The following PTPRN2 variants were observed in gnomAD, a reference collection of about 807,000 sequenced individuals.
PTPRN2 encodes the protein receptor-type tyrosine-protein phosphatase N2.
Under a neutral mutation model 118.8 loss-of-function variants are expected in PTPRN2, and 74 were observed. The observed-to-expected ratio is 0.62, with a 90% CI of 0.52 to 0.76. The LOEUF is 0.76. Among genes scored for constraint, PTPRN2 ranks in the 30% least tolerant of loss-of-function variants. PTPRN2 has a pLI of 0.00. For synonymous variants in PTPRN2, 641 were observed against 608.0 expected (o/e 1.05, Z -0.80); for missense variants, 1,481 against 1,394.4 (o/e 1.06, Z -0.99).
Position 158,117,635 on chromosome 7 carries a change from GGACAAACAGA to G in PTPRN2, c.1557-6730_1557-6721del, listed in dbSNP as rs574286157. Among the ~76,000 whole-genome samples the G allele has an allele frequency of 1.4e-4, 22 of 152,150 alleles. No homozygotes were observed. The East Asian group carries it at 4.0e-3, about 28-fold the overall frequency. On this transcript the variant is annotated intron_variant, in intron 9 of 22. Coordinates refer to ENST00000389418, the MANE Select transcript of PTPRN2 (RefSeq NM_002847.5). ...TTTTAACTAAATTGTTAAAAGACAA[GGACAAACAGA>G]GAATTCTCCTCTTACATTTGAAAGC...
intron 11 of PTPRN2, among the ~76,000 whole-genome samples, chr7:158,070,952 G>C (rs1271426584): frequency 1.3e-4 from 16 of 127,306 alleles, no homozygotes; most frequent in African/African-American, 3.5e-4. Flanking sequence ...AGGTGCCCGT[G>C]GTGGTGGAGG....
intron 3 of PTPRN2, among the ~76,000 whole-genome samples, chr7:158,226,668 C>T (rs1401353468): frequency 7.7e-6 from 1 of 129,898 alleles, no homozygotes; most frequent in Non-Finnish European, 1.6e-5. Context: ...GAAGACAGCG[C>T]TTCCCTTTTT....
intron 2 of PTPRN2, among the ~76,000 whole-genome samples, chr7:158,321,681 G>A (rs968813388): frequency 1.3e-5 from 2 of 152,142 alleles, no homozygotes; most frequent in African/African-American, 4.8e-5. Context: ...TTCAAATTGG[G>A]GGCTGTCTGA....
At position 157,556,835 on chromosome 7, in the gene PTPRN2, TAC is replaced by T. The variant is rs1357362845; in HGVS notation, c.2903-7818_2903-7817del. On this transcript the variant is annotated intron_variant, in intron 21 of 22. Coordinates refer to ENST00000389418, the MANE Select transcript of PTPRN2 (RefSeq NM_002847.5). ...TGTCATACATATGCACACACAAATATACACACAGCCATGCACACACTCACACA... is the reference window on the plus strand; with the variant it reads ...TGTCATACATATGCACACACAAATATACACAGCCATGCACACACTCACACA... Among the ~76,000 whole-genome samples, 7 of 141,698 alleles carry T rather than the reference TAC, an allele frequency of 4.9e-5. No homozygotes were observed. In the East Asian group the frequency reaches 8.8e-4, roughly 18 times the overall value. 93.0% of individuals were successfully genotyped at this position (141,698 alleles called of 152,430 possible).
chr7:157,840,458 G>A (rs542633501), intron 12 of PTPRN2, among the ~76,000 whole-genome samples: 5 of 151,628 alleles, frequency 3.3e-5, no homozygotes, highest in South Asian at 2.1e-4. Context: ...GTGTGACCGC[G>A]TGTGACTGTG....
Position 157,571,489 on chromosome 7 carries a change from C to G in PTPRN2, c.2788G>C (p.Val930Leu). 6.2e-7 allele frequency: 1 copy of G among 1,605,792 alleles called. No individual in the cohort carries two copies. Among genetic ancestry groups the G allele is most frequent in the Non-Finnish European group, 8.5e-7 (1 of 1,174,876 alleles). Reference protein sequence around the residue: ...SRSLLDFRRKVNKCYRGRSCP... With the variant: ...SRSLLDFRRKLNKCYRGRSCP... ...GAACGGCCCCTGTAGCACTTGTTTA[C>G]TTTTCTGAAATAAAAAGAGATATAA... is the stretch of plus-strand genomic sequence containing the variant. The change falls in exon 20 of 23, where the codon GTA (valine) becomes CTA (leucine). Residue 930 changes from valine to leucine, a missense_variant. Val to Leu is a conservative substitution (Grantham distance 32). This residue lies in a region of PTPRN2 where 362 missense variants were observed against 384.1 expected (regional missense o/e 0.94). Coordinates refer to ENST00000389418, the MANE Select transcript of PTPRN2 (RefSeq NM_002847.5).
intron 6 of PTPRN2, among the ~76,000 whole-genome samples, chr7:158,144,948 A>C (rs571515352): frequency 7.0e-6 from 1 of 142,370 alleles, no homozygotes; most frequent in South Asian, 2.1e-4. Context: ...ACGGCTCGGC[A>C]AGACTTCCCT....
intron 12 of PTPRN2, among the ~76,000 whole-genome samples, chr7:157,838,667 G>C (rs111530294): frequency 2.7e-5 from 1 of 37,194 alleles, no homozygotes; most frequent in Admixed American, 2.4e-4. Flanking sequence ...CTCCGCCGTG[G>C]CTACTCCAGT....
At chr7:158,311,340 T>C (rs1452791851) in intron 3 of PTPRN2, among the ~76,000 whole-genome samples, 1 of 152,228 alleles carries the variant, frequency 6.6e-6, no homozygotes, top group Non-Finnish European at 1.5e-5. Context: ...TGCAGCTCAA[T>C]AAGTCAGAAG....
At chr7:157,645,710 C>T (rs1444546759) in intron 14 of PTPRN2, among the ~76,000 whole-genome samples, 1 of 152,168 alleles carries the variant, frequency 6.6e-6, no homozygotes, top group East Asian at 1.9e-4. Context: ...GCTGTTTACG[C>T]ACCACATGAC....
intron 12 of PTPRN2, among the ~76,000 whole-genome samples, chr7:157,803,673 G>A (rs1225722463): frequency 3.9e-5 from 6 of 152,322 alleles, no homozygotes; most frequent in Admixed American, 6.5e-5. Flanking sequence ...CCCAGCACCT[G>A]TGAAGAGGCG....
At chr7:157,916,289 C>T (rs1380968433) in intron 11 of PTPRN2, among the ~76,000 whole-genome samples, 1 of 152,172 alleles carries the variant, frequency 6.6e-6, no homozygotes, top group Non-Finnish European at 1.5e-5. Context: ...CCAAATGGTC[C>T]CAGGCTCCTG....
chr7:158,261,649 G>T (rs1797406525), intron 3 of PTPRN2, among the ~76,000 whole-genome samples: 1 of 152,100 alleles, frequency 6.6e-6, no homozygotes, highest in South Asian at 2.1e-4. Context: ...TAAAACAGCA[G>T]GGTGCACTCC....
intron 6 of PTPRN2, among the ~76,000 whole-genome samples, chr7:158,158,150 A>G (rs559369131): frequency 6.6e-6 from 1 of 152,296 alleles, no homozygotes; most frequent in East Asian, 1.9e-4. Context: ...TTCTTCAAAA[A>G]CGAAAAGGCA....
intron 12 of PTPRN2, among the ~76,000 whole-genome samples, chr7:157,830,933 C>T (rs1807523643): frequency 6.6e-6 from 1 of 152,200 alleles, no homozygotes; most frequent in Admixed American, 6.5e-5. Context: ...CAGACACTCC[C>T]TTTTCTGCAC....
intron 9 of PTPRN2, among the ~76,000 whole-genome samples, chr7:158,127,015 G>A (rs571149709): frequency 5.3e-5 from 8 of 152,284 alleles, no homozygotes; most frequent in East Asian, 1.9e-4. Flanking sequence ...TGCCTTCTCC[G>A]AGGTGCAAGA....
intron 11 of PTPRN2, among the ~76,000 whole-genome samples, chr7:157,933,452 G>A (rs1307079775): frequency 6.7e-6 from 1 of 149,576 alleles, no homozygotes; most frequent in Non-Finnish European, 1.5e-5. Context: ...TAGAGGAGGG[G>A]TGAGTCACTC....
At chr7:158,493,760 C>G (rs923416569) in intron 1 of PTPRN2, among the ~76,000 whole-genome samples, 1 of 115,760 alleles carries the variant, frequency 8.6e-6, no homozygotes, top group African/African-American at 3.4e-5. Flanking sequence ...TGGGTACACT[C>G]ATGCATGCAT....
At chr7:157,741,087 AG>A (rs1800609133) in intron 12 of PTPRN2, among the ~76,000 whole-genome samples, 1 of 152,212 alleles carries the variant, frequency 6.6e-6, no homozygotes, top group Non-Finnish European at 1.5e-5. Context: ...TGGAGGCCAA[AG>A]GTGCTTCTAA....
Sources: allele counts gnomAD v4.1 joint callset (sites outside exome capture counted in the v4.1 genomes callset), GRCh38; gene constraint gnomAD v4.1.1; regional missense constraint gnomAD v4.1.1; transcripts MANE v1.5; gene names NCBI Gene and HGNC (gene_info 2026-07-23, HGNC 2026-07-21).